FHIT: variants seen among roughly 807,000 people sequenced by gnomAD.
The protein encoded by FHIT is bis(5'-adenosyl)-triphosphatase.
FHIT carries 19 observed loss-of-function variants against 17.9 expected under a neutral mutation model. That is an observed-to-expected ratio of 1.06 (90% CI 0.74 to 1.56). The LOEUF (loss-of-function observed/expected upper bound fraction) is 1.56, where lower values mean the gene tolerates loss of function less well. Among genes scored for constraint, FHIT ranks in the 40% most tolerant of loss-of-function variants. FHIT has a pLI of 0.00. For missense variants in FHIT, 248 were observed against 189.2 expected, an observed-to-expected ratio of 1.31 and a Z score of -1.82; for synonymous variants, 81 against 69.7, an observed-to-expected ratio of 1.16 and a Z score of -0.81.
At chr3:59,930,084 G>A (rs1325586988) in intron 7 of FHIT, among the ~76,000 whole-genome samples, 1 of 152,178 alleles carries the variant, frequency 6.6e-6, no homozygotes, top group Non-Finnish European at 1.5e-5. Context: ...TGAAGAATAT[G>A]CATCCCAGAG....
At chr3:60,570,697 T>C (rs185913987) in intron 4 of FHIT, among the ~76,000 whole-genome samples, 1 of 147,076 alleles carries the variant, frequency 6.8e-6, no homozygotes, top group African/African-American at 2.5e-5. Context: ...AGGGCAAGAG[T>C]TCTTTGAAGG....
intron 3 of FHIT, among the ~76,000 whole-genome samples, chr3:60,961,782 G>T (rs914710269): frequency 6.6e-6 from 1 of 152,108 alleles, no homozygotes; most frequent in Non-Finnish European, 1.5e-5. Flanking sequence ...TGTTCCATTG[G>T]CCTATCTCTC....
chr3:60,558,613 C>A (rs766140716), intron 4 of FHIT, among the ~76,000 whole-genome samples: 2 of 152,076 alleles, frequency 1.3e-5, no homozygotes, highest in Non-Finnish European at 2.9e-5. Flanking sequence ...GGAGCTCCGA[C>A]CTCCAGTCAA....
chr3:60,170,003 T>A (rs1408567852), intron 5 of FHIT, among the ~76,000 whole-genome samples: 1 of 152,156 alleles, frequency 6.6e-6, no homozygotes, highest in Non-Finnish European at 1.5e-5. Context: ...GATCCAGCAT[T>A]CCTCCTGATT....
At chr3:60,269,858 T>C (rs952138215) in intron 5 of FHIT, among the ~76,000 whole-genome samples, 2 of 152,190 alleles carry the variant, frequency 1.3e-5, no homozygotes, top group African/African-American at 4.8e-5. Flanking sequence ...AACTGCCATT[T>C]CGGTTCATAA....
chr3:60,522,636 A>C (rs906541535), intron 5 of FHIT, among the ~76,000 whole-genome samples: 1 of 152,154 alleles, frequency 6.6e-6, no homozygotes, highest in Admixed American at 6.5e-5. Context: ...TATTTTTGAG[A>C]AACAGCCTCC....
At chr3:60,784,590 C>G (rs1700501478) in intron 4 of FHIT, among the ~76,000 whole-genome samples, 1 of 152,150 alleles carries the variant, frequency 6.6e-6, no homozygotes, top group African/African-American at 2.4e-5. Context: ...TCTGCTTCGG[C>G]CTCCCAAAAT....
intron 5 of FHIT, among the ~76,000 whole-genome samples, chr3:60,463,781 A>C (rs745627500): frequency 7.2e-5 from 11 of 152,240 alleles, no homozygotes; most frequent in Non-Finnish European, 1.6e-4. Flanking sequence ...TCTGGGCATC[A>C]GTGTTAACTT....
At chr3:60,388,492 A>C (rs115421488) in intron 5 of FHIT, among the ~76,000 whole-genome samples, 1 of 152,114 alleles carries the variant, frequency 6.6e-6, no homozygotes, top group Non-Finnish European at 1.5e-5. Context: ...AGACCCAGCT[A>C]CTCAGGAGAC....
At position 61,210,611 on chromosome 3, in the gene FHIT, C is replaced by A. The variant is rs532768802; in HGVS notation, c.-212-9946G>T. Among the ~76,000 whole-genome samples the A allele has an allele frequency of 1.3e-3, 192 of 152,250 alleles. 4 individuals are homozygous for A. Among genetic ancestry groups the A allele is most frequent in the Non-Finnish European group, 3.8e-4 (26 of 68,022 alleles). On this transcript the variant is annotated intron_variant, in intron 1 of 9. Coordinates refer to ENST00000492590, the MANE Select transcript of FHIT (RefSeq NM_002012.4). ...GGCGTAGGGCCCTCCGAGCCATGTG[C>A]GGTATATAATCTCCTGGTGTGCCGT...
At chr3:59,967,852 G>A (rs1041431787) in intron 7 of FHIT, among the ~76,000 whole-genome samples, 2 of 151,810 alleles carry the variant, frequency 1.3e-5, no homozygotes, top group African/African-American at 4.8e-5. Flanking sequence ...AAGAAAAGGA[G>A]AAGGAAGAAG....
At chr3:60,768,187 C>A (rs1699916119) in intron 4 of FHIT, among the ~76,000 whole-genome samples, 1 of 152,148 alleles carries the variant, frequency 6.6e-6, no homozygotes, top group African/African-American at 2.4e-5. Flanking sequence ...CTCTTGTGGT[C>A]AACACTGCCT....
intron 5 of FHIT, among the ~76,000 whole-genome samples, chr3:60,135,163 T>C (rs936524624): frequency 2.0e-5 from 3 of 152,028 alleles, no homozygotes; most frequent in Non-Finnish European, 4.4e-5. Flanking sequence ...TTTCAAAAGA[T>C]AGATAGATTC....
At chr3:59,915,672 G>T (rs1400632494) in intron 8 of FHIT, among the ~76,000 whole-genome samples, 1 of 152,182 alleles carries the variant, frequency 6.6e-6, no homozygotes, top group Non-Finnish European at 1.5e-5. Flanking sequence ...GGGCACAGTG[G>T]CTCATGCCTA....
chr3:61,164,491 C>G (rs1396399254), intron 2 of FHIT, among the ~76,000 whole-genome samples: 2 of 152,124 alleles, frequency 1.3e-5, no homozygotes, highest in Admixed American at 1.3e-4. Context: ...TGGGCCTCAA[C>G]AAAGATGGAA....
rs201362647 is a variant in FHIT at position 60,548,710 on chromosome 3, ATAAACCTGTATTT to A, written c.-17-11744_-17-11732del. Among the ~76,000 whole-genome samples, 255 of 152,340 alleles carry A rather than the reference ATAAACCTGTATTT, an allele frequency of 1.7e-3. 10 individuals carry two copies. The East Asian group carries it at 0.045, about 27-fold the overall frequency. Reference sequence around the variant, plus strand: ...CCAGGCCCCAGCCTAGATGTAATGCATAAACCTGTATTTTAACAAGATCCCCAGCTAGGCTGTT... The same window carrying A: ...CCAGGCCCCAGCCTAGATGTAATGCATAACAAGATCCCCAGCTAGGCTGTT... On this transcript the variant is annotated intron_variant, in intron 4 of 9. Transcript: ENST00000492590.
intron 4 of FHIT, among the ~76,000 whole-genome samples, chr3:60,809,081 G>A (rs1164462744): frequency 6.6e-6 from 1 of 151,946 alleles, no homozygotes; most frequent in Non-Finnish European, 1.5e-5. Context: ...GCAGTTTCAG[G>A]AATTCTTAAG....
chr3:59,831,400 A>G (rs543149489), intron 8 of FHIT, among the ~76,000 whole-genome samples: 2 of 152,242 alleles, frequency 1.3e-5, no homozygotes, highest in South Asian at 4.1e-4. Flanking sequence ...TATTGAGACT[A>G]TTATCTCCTT....
intron 5 of FHIT, among the ~76,000 whole-genome samples, chr3:60,316,934 T>A (rs976379836): frequency 2.6e-5 from 4 of 152,198 alleles, no homozygotes; most frequent in Admixed American, 1.3e-4. Flanking sequence ...AGTCCTTTCC[T>A]AATCGATTGA....
Sources: gnomAD v4.1 joint callset for allele counts (sites outside exome capture counted in the v4.1 genomes callset) on GRCh38, gnomAD v4.1.1 for gene constraint, MANE v1.5 for transcripts, NCBI Gene and HGNC (gene_info 2026-07-23, HGNC 2026-07-21) for gene names.